TAFA2: variants seen among roughly 807,000 people sequenced by gnomAD.
TAFA2 encodes chemokine-like protein TAFA-2.
TAFA2 carries 7 observed loss-of-function variants against 18.8 expected under a neutral mutation model. The ratio of observed to expected loss-of-function variants is 0.37; its 90% confidence interval spans 0.21 to 0.70. TAFA2 has a LOEUF of 0.70. Ranked by LOEUF, TAFA2 falls within the 30% of genes least tolerant of loss-of-function variation. The probability of loss-of-function intolerance (pLI) is 0.53; values close to 1 mark genes in which losing one functional copy is unlikely to be tolerated. For synonymous variants in TAFA2, 60 were observed against 54.2 expected, an observed-to-expected ratio of 1.11 and a Z score of -0.47; for missense variants, 122 against 158.1, an observed-to-expected ratio of 0.77 and a Z score of 1.23.
intron 1 of TAFA2, among the ~76,000 whole-genome samples, chr12:62,148,301 C>T (rs1443489144): frequency 6.6e-6 from 1 of 152,160 alleles, no homozygotes; most frequent in East Asian, 1.9e-4. Flanking sequence ...AACCAGGTGC[C>T]CATCAATGGT....
chr12:62,211,719 C>T (rs2062715093), intron 1 of TAFA2, among the ~76,000 whole-genome samples: 1 of 152,076 alleles, frequency 6.6e-6, no homozygotes, highest in Non-Finnish European at 1.5e-5. Context: ...ATTGTGAAAT[C>T]CTATCTTTTT....
chr12:62,190,408 C>T (rs967804648), intron 1 of TAFA2, among the ~76,000 whole-genome samples: 2 of 152,184 alleles, frequency 1.3e-5, no homozygotes, highest in African/African-American at 4.8e-5. Flanking sequence ...ACTTGGTAGG[C>T]ACCTGGCCTT....
intron 1 of TAFA2, among the ~76,000 whole-genome samples, chr12:62,023,325 G>T (rs1177750566): frequency 6.6e-6 from 1 of 151,144 alleles, no homozygotes; most frequent in Non-Finnish European, 1.5e-5. Context: ...CTTGATTTAT[G>T]CTATAAAAGG....
At chr12:61,950,796 C>A (rs1054836877) in intron 1 of TAFA2, among the ~76,000 whole-genome samples, 1 of 152,070 alleles carries the variant, frequency 6.6e-6, no homozygotes, top group African/African-American at 2.4e-5. Context: ...CACCCAGCAC[C>A]TATTATAATA....
chr12:61,888,698 C>T (rs1251063679), intron 1 of TAFA2, among the ~76,000 whole-genome samples: 1 of 151,968 alleles, frequency 6.6e-6, no homozygotes, highest in African/African-American at 2.4e-5. Flanking sequence ...TGCAACAATC[C>T]AACATGTACA....
At chr12:62,089,618 C>T (rs910403766) in intron 1 of TAFA2, among the ~76,000 whole-genome samples, 1 of 151,968 alleles carries the variant, frequency 6.6e-6, no homozygotes, top group Non-Finnish European at 1.5e-5. Flanking sequence ...GAGAGAGATA[C>T]AGAAAGAATC....
chr12:62,024,989 C>T (rs747850840), intron 1 of TAFA2, among the ~76,000 whole-genome samples: 13 of 152,246 alleles, frequency 8.5e-5, no homozygotes, highest in African/African-American at 2.9e-4. Flanking sequence ...AAAGGGAACA[C>T]ACATACACTA....
At chr12:62,100,848 G>A (rs972237505) in intron 1 of TAFA2, among the ~76,000 whole-genome samples, 1 of 152,160 alleles carries the variant, frequency 6.6e-6, no homozygotes, top group African/African-American at 2.4e-5. Context: ...AACCTACACA[G>A]TGGCATAAAG....
At chr12:61,992,625 C>T (rs751829819) in intron 1 of TAFA2, among the ~76,000 whole-genome samples, 12 of 152,142 alleles carry the variant, frequency 7.9e-5, no homozygotes, top group Non-Finnish European at 1.2e-4. Context: ...TCAAACCCAA[C>T]ATCTTCACCA....
chr12:62,078,026 T>G (rs901158691), intron 1 of TAFA2, among the ~76,000 whole-genome samples: 1 of 152,134 alleles, frequency 6.6e-6, no homozygotes, highest in African/African-American at 2.4e-5. Flanking sequence ...CCTAAATGAG[T>G]GGTTTCAGTC....
At chr12:61,753,834 A>C in intron 3 of TAFA2, 88 bp from the exon 4 acceptor site, 2 of 1,223,074 alleles carry the variant, frequency 1.6e-6, no homozygotes, top group Non-Finnish European at 2.2e-6. Flanking sequence ...AAAGCCACTA[A>C]TTTTTCCTAC....
chr12:62,170,318 G>A (rs1390497102), intron 1 of TAFA2, among the ~76,000 whole-genome samples: 1 of 152,184 alleles, frequency 6.6e-6, no homozygotes, highest in African/African-American at 2.4e-5. Flanking sequence ...CATCACATTG[G>A]GTGAGGACTT....
chr12:61,740,934 T>C (rs963249695), intron 4 of TAFA2, among the ~76,000 whole-genome samples: 1 of 151,924 alleles, frequency 6.6e-6, no homozygotes, highest in Non-Finnish European at 1.5e-5. Context: ...GTTAAACAAG[T>C]TCAATATTAA....
intron 1 of TAFA2, among the ~76,000 whole-genome samples, chr12:62,211,306 A>G (rs962595920): frequency 6.6e-6 from 1 of 152,206 alleles, no homozygotes; most frequent in Non-Finnish European, 1.5e-5. Flanking sequence ...TGGGCCAGGC[A>G]CAGTGGCTCA....
At chr12:62,162,447 T>C (rs981001442) in intron 1 of TAFA2, among the ~76,000 whole-genome samples, 1 of 152,206 alleles carries the variant, frequency 6.6e-6, no homozygotes, top group Admixed American at 6.5e-5. Flanking sequence ...CCTGCTTAGC[T>C]ATATAAGACT....
intron 1 of TAFA2, among the ~76,000 whole-genome samples, chr12:62,090,027 A>G (rs557238655): frequency 3.3e-5 from 5 of 152,164 alleles, no homozygotes; most frequent in African/African-American, 9.6e-5. Context: ...AATATTATCA[A>G]TTCTCATAAG....
intron 1 of TAFA2, among the ~76,000 whole-genome samples, chr12:61,957,718 C>T (rs1048551622): frequency 2.0e-5 from 3 of 151,988 alleles, no homozygotes; most frequent in Non-Finnish European, 1.5e-5. Flanking sequence ...GCTAAAAGTC[C>T]GTATCTCCTC....
intron 1 of TAFA2, among the ~76,000 whole-genome samples, chr12:62,253,877 A>G (rs1293313062): frequency 7.2e-5 from 11 of 152,208 alleles, no homozygotes; most frequent in Admixed American, 6.5e-5. Context: ...TTAAGTCCAC[A>G]TGGCAGTCTA....
chr12:61,982,771 C>G (rs1379258112), intron 1 of TAFA2, among the ~76,000 whole-genome samples: 1 of 149,882 alleles, frequency 6.7e-6, no homozygotes, highest in Non-Finnish European at 1.5e-5. Flanking sequence ...GTAGGGTATA[C>G]CTAGGCCTGA....
Sources: gnomAD v4.1 joint callset for allele counts (sites outside exome capture counted in the v4.1 genomes callset) on GRCh38, gnomAD v4.1.1 for gene constraint, MANE v1.5 for transcripts, NCBI Gene and HGNC (gene_info 2026-07-23, HGNC 2026-07-21) for gene names.